The following SEL1L2 variants were observed in gnomAD, a reference collection of about 807,000 sequenced individuals.
SEL1L2 encodes the protein SEL1L2 adaptor subunit of SYVN1 ubiquitin ligase, also known as protein sel-1 homolog 2.
In SEL1L2, 89 loss-of-function variants were observed where a neutral mutation model predicts 98.8. The observed-to-expected ratio is 0.90, with a 90% CI of 0.76 to 1.07. The LOEUF (loss-of-function observed/expected upper bound fraction) is 1.07. Among genes scored for constraint, SEL1L2 ranks in the 50% least tolerant of loss-of-function variants. The probability of loss-of-function intolerance (pLI) is 0.00; values close to 1 mark genes in which losing one functional copy is unlikely to be tolerated. For synonymous variants in SEL1L2, 262 were observed against 278.5 expected, an observed-to-expected ratio of 0.94 and a Z score of 0.59; for missense variants, 788 against 812.0, an observed-to-expected ratio of 0.97 and a Z score of 0.36.
rs2050901884 is a variant in SEL1L2, at chr20:13,963,909, T to A, written c.59-7778A>T. ...TTCCTTGAGATGGACTTTTGCTCTG[T>A]CACCCAGGCTGGAGTGCAAAGGCAC... is the stretch of plus-strand genomic sequence containing the variant. On this transcript the variant is annotated intron_variant, in intron 1 of 19. Transcript: ENST00000284951. 3.3e-5 allele frequency among the ~76,000 whole-genome samples: 5 copies of A among 152,222 alleles called. No homozygotes were observed. The South Asian group carries it at 1.0e-3, about 32-fold the overall frequency.
chr20:13,928,181 C>G (rs966834073), intron 3 of SEL1L2: 1 of 152,240 alleles, frequency 6.6e-6, no homozygotes, highest in South Asian at 2.1e-4. Context: ...CTCCTCACAT[C>G]TGCTGTTTTC....
chr20:13,890,540 T>C (rs1162918242), intron 5 of SEL1L2, among the ~76,000 whole-genome samples: 4 of 152,086 alleles, frequency 2.6e-5, no homozygotes, highest in African/African-American at 7.2e-5. Context: ...AGCTAGTCTA[T>C]AAAGACTAGG....
intron 3 of SEL1L2, among the ~76,000 whole-genome samples, chr20:13,920,162 A>C (rs1460581242): frequency 1.3e-5 from 2 of 148,476 alleles, no homozygotes; most frequent in Non-Finnish European, 3.0e-5. Flanking sequence ...CAGGAGGCAG[A>C]AGTTACAGTG....
chr20:13,865,282 C>T (rs1990812049), intron 16 of SEL1L2, 41 bp from the exon 17 acceptor site: 1 of 1,608,818 alleles, frequency 6.2e-7, no homozygotes, highest in Non-Finnish European at 8.5e-7. Context: ...CTTAAAATGC[C>T]TCTGTAGTAA....
intron 5 of SEL1L2, among the ~76,000 whole-genome samples, chr20:13,889,934 G>A (rs1246693111): frequency 6.6e-6 from 1 of 152,204 alleles, no homozygotes; most frequent in African/African-American, 2.4e-5. Context: ...GCAAGATGAT[G>A]GAATAGGAAG....
intron 1 of SEL1L2, among the ~76,000 whole-genome samples, chr20:13,981,715 T>A (rs1355551267): frequency 6.6e-6 from 1 of 152,228 alleles, no homozygotes; most frequent in Non-Finnish European, 1.5e-5. Context: ...AACACAGTTA[T>A]CAAACTTCTC....
intron 5 of SEL1L2, among the ~76,000 whole-genome samples, chr20:13,893,146 C>T (rs559291000): frequency 1.3e-5 from 2 of 152,226 alleles, no homozygotes; most frequent in African/African-American, 4.8e-5. Flanking sequence ...ACTCTGTTCC[C>T]CACTCCCCTG....
chr20:13,929,206 C>T (rs1248207070), intron 3 of SEL1L2, among the ~76,000 whole-genome samples: 1 of 152,098 alleles, frequency 6.6e-6, no homozygotes, highest in African/African-American at 2.4e-5. Context: ...GCCCCACAAT[C>T]GCATAAGCCA....
At chr20:13,976,252 G>A (rs562106708) in intron 1 of SEL1L2, among the ~76,000 whole-genome samples, 1 of 151,584 alleles carries the variant, frequency 6.6e-6, no homozygotes, top group Non-Finnish European at 1.5e-5. Flanking sequence ...CACCGGCCTC[G>A]GCCTCCCAAA....
At chr20:13,990,452 G>T (rs374623720) in intron 1 of SEL1L2, 25 bp downstream of exon 1, 121 of 1,527,602 alleles carry the variant, frequency 7.9e-5, no homozygotes, top group African/African-American at 6.4e-4. Context: ...CCCTCATAGA[G>T]AACTCTAAGG....
chr20:13,898,625 A>G (rs1041740505), intron 5 of SEL1L2, among the ~76,000 whole-genome samples: 3 of 152,240 alleles, frequency 2.0e-5, no homozygotes, highest in Non-Finnish European at 2.9e-5. Flanking sequence ...GGACAATTGT[A>G]GTAGTATCCA....
intron 4 of SEL1L2, among the ~76,000 whole-genome samples, chr20:13,914,167 G>A (rs750727588): frequency 2.6e-5 from 4 of 151,958 alleles, no homozygotes; most frequent in Non-Finnish European, 5.9e-5. Context: ...TACTAAAAAG[G>A]AGAAATATAT....
At chr20:13,904,405 A>G (rs2047825965) in intron 5 of SEL1L2, among the ~76,000 whole-genome samples, 1 of 152,034 alleles carries the variant, frequency 6.6e-6, no homozygotes, top group East Asian at 1.9e-4. Context: ...GTGTGAGCCT[A>G]TAATCCCAGT....
At chr20:13,907,179 G>T (rs2047969370) in intron 5 of SEL1L2, among the ~76,000 whole-genome samples, 1 of 152,002 alleles carries the variant, frequency 6.6e-6, no homozygotes, top group African/African-American at 2.4e-5. Context: ...TGTAACCAAG[G>T]AAGTGTATAC....
chr20:13,860,367 C>G (rs1479726650), intron 17 of SEL1L2, among the ~76,000 whole-genome samples: 1 of 152,164 alleles, frequency 6.6e-6, no homozygotes, highest in African/African-American at 2.4e-5. Flanking sequence ...GGCTTCTGCC[C>G]CCTTGCCCGT....
intron 17 of SEL1L2, among the ~76,000 whole-genome samples, chr20:13,860,504 C>T (rs1989938003): frequency 6.6e-6 from 1 of 152,170 alleles, no homozygotes; most frequent in Non-Finnish European, 1.5e-5. Context: ...CAAGCACTGT[C>T]CTGTCGCAGC....
In SEL1L2 at chr20:13,849,580, T is replaced by G. The variant is rs748729594; in HGVS notation, c.1972A>C (p.Lys658Gln). 2 of 1,614,086 alleles carry G rather than the reference T, an allele frequency of 1.2e-6. No individual in the cohort carries two copies. The highest frequency in any genetic ancestry group is 1.7e-6 in the Non-Finnish European group (2 of 1,179,962). Residue 658 changes from lysine (K) to glutamine (Q), a missense_variant, in exon 20 of 20, where the codon AAA becomes CAA. Lys to Gln is a moderately conservative substitution (Grantham distance 53, BLOSUM62 1). Coordinates refer to ENST00000284951, the MANE Select transcript of SEL1L2 (RefSeq NM_025229.2). ...FNFTTRWNWL[K>Q]LDNTIGPHWD... is the part of the protein sequence containing the mutation. ...TGTGGTCCAATGGTGTTGTCCAGTT[T>G]CAGCCAGTTCCATCTCGTTGTGAAC... is the stretch of plus-strand genomic sequence containing the variant.
intron 5 of SEL1L2, among the ~76,000 whole-genome samples, chr20:13,907,154 A>G (rs2047968527): frequency 6.6e-6 from 1 of 152,210 alleles, no homozygotes; most frequent in South Asian, 2.1e-4. Flanking sequence ...TCCACAGCAA[A>G]ACTATTTTAA....
rs6135017 is a variant in SEL1L2, at chr20:13,922,050, T to C, written c.284-2927A>G. Among the ~76,000 whole-genome samples the C allele has an allele frequency of 8.5e-3, 1,301 of 152,344 alleles. 37 individuals are homozygous for C. The East Asian group carries it at 0.09, about 11-fold the overall frequency. ...AGCTCTTATTCCAACATAATTGATA[T>C]TGCTTTTGATTCTTCACTTGTTTCA... On this transcript the variant is annotated intron_variant, in intron 3 of 19. Coordinates refer to ENST00000284951, the MANE Select transcript of SEL1L2 (RefSeq NM_025229.2).
Sources: gnomAD v4.1 joint callset for allele counts (sites outside exome capture counted in the v4.1 genomes callset) on GRCh38, gnomAD v4.1.1 for gene constraint, MANE v1.5 for transcripts, NCBI Gene and HGNC (gene_info 2026-07-23, HGNC 2026-07-21) for gene names.